The following BRINP1 variants were observed in gnomAD, a reference collection of about 807,000 sequenced individuals.
BRINP1 encodes BMP/retinoic acid inducible neural specific 1, also known as BMP/retinoic acid-inducible neural-specific protein 1.
BRINP1 carries 17 observed loss-of-function variants against 72.9 expected under a neutral mutation model. The ratio of observed to expected loss-of-function variants is 0.23; its 90% CI spans 0.16 to 0.35. The LOEUF is 0.35. BRINP1 is among the 10% of genes least tolerant of loss of function. The pLI is 1.00. For synonymous variants in BRINP1, 418 were observed against 378.5 expected (o/e 1.10, Z -1.21); for missense variants, 850 against 1,001.6 (o/e 0.85, Z 2.04).
At chr9:119,332,943 C>T (rs1160601285) in intron 1 of BRINP1, among the ~76,000 whole-genome samples, 1 of 152,104 alleles carries the variant, frequency 6.6e-6, no homozygotes, top group African/African-American at 2.4e-5. Context: ...TTAATATTCC[C>T]ACTTTATAGA....
intron 2 of BRINP1, among the ~76,000 whole-genome samples, chr9:119,253,512 A>T (rs551565071): frequency 1.3e-5 from 2 of 152,332 alleles, no homozygotes; most frequent in South Asian, 4.1e-4. Flanking sequence ...GCACAGAAAG[A>T]CAAATATCAC....
chr9:119,184,594 C>T (rs774284086), intron 7 of BRINP1, among the ~76,000 whole-genome samples: 1 of 152,132 alleles, frequency 6.6e-6, no homozygotes, highest in Non-Finnish European at 1.5e-5. Context: ...CATGCATGCA[C>T]ACAAAAATCA....
At chr9:119,227,155 G>A (rs1830100910) in intron 5 of BRINP1, among the ~76,000 whole-genome samples, 1 of 151,954 alleles carries the variant, frequency 6.6e-6, no homozygotes, top group Admixed American at 6.6e-5. Context: ...TGCTTTCTAT[G>A]TGATTTCCAA....
intron 7 of BRINP1, among the ~76,000 whole-genome samples, chr9:119,185,097 G>A (rs144213410): frequency 5.9e-5 from 9 of 152,104 alleles, no homozygotes; most frequent in African/African-American, 2.2e-4. Flanking sequence ...GGGTACTTCC[G>A]GTGGTAGTTC....
chr9:119,274,050 T>C (rs756596882), intron 2 of BRINP1, among the ~76,000 whole-genome samples: 14 of 152,160 alleles, frequency 9.2e-5, no homozygotes, highest in Non-Finnish European at 1.9e-4. Flanking sequence ...AAGATACAGA[T>C]TGTAGCAGGT....
rs866580556 is a variant in BRINP1 at position 119,313,406 on chromosome 9, C to T, written c.-50-1G>A. 1 of 1,562,176 alleles carries T rather than the reference C, an allele frequency of 6.4e-7. No individual in the cohort carries two copies. The highest frequency in any genetic ancestry group is 8.6e-7 in the Non-Finnish European group (1 of 1,156,652). Reference sequence around the variant, plus strand: ...CATTCTTGCTCCATTCTGTGGAGTCCTATAGAAGAAAGAATAAAAAAGAGA... The same window carrying T: ...CATTCTTGCTCCATTCTGTGGAGTCTTATAGAAGAAAGAATAAAAAAGAGA... On this transcript the variant is annotated splice_acceptor_variant, in intron 1 of 7. Coordinates refer to ENST00000265922, the MANE Select transcript of BRINP1 (RefSeq NM_014618.3). LOFTEE classifies it low-confidence loss of function (5UTR_SPLICE).
chr9:119,237,807 G>C (rs544395011), intron 5 of BRINP1, among the ~76,000 whole-genome samples: 1 of 151,708 alleles, frequency 6.6e-6, no homozygotes, highest in East Asian at 1.9e-4. Flanking sequence ...GACTATAGGC[G>C]CACACCACCG....
Position 119,208,948 on chromosome 9 carries a change from A to G in BRINP1, c.923-7T>C. On this transcript the variant is annotated splice_region_variant and splice_polypyrimidine_tract_variant and intron_variant, in intron 6 of 7. Coordinates refer to ENST00000265922, the MANE Select transcript of BRINP1 (RefSeq NM_014618.3). ...ATAAATGATTTAAACTCATCTAGTGAGAGACAAAGGCCGAGAGAGAAGGGC... is the reference window on the plus strand; with the variant it reads ...ATAAATGATTTAAACTCATCTAGTGGGAGACAAAGGCCGAGAGAGAAGGGC... The G allele has an allele frequency of 1.2e-6, 2 of 1,609,968 alleles. No individual in the cohort carries two copies. The highest frequency in any genetic ancestry group is 1.7e-6 in the Non-Finnish European group (2 of 1,176,280).
intron 7 of BRINP1, among the ~76,000 whole-genome samples, chr9:119,200,380 G>T (rs551099148): frequency 6.6e-6 from 1 of 152,286 alleles, no homozygotes; most frequent in Non-Finnish European, 1.5e-5. Flanking sequence ...CTAGCACTTT[G>T]AGAGGCCAAG....
chr9:119,336,243 C>A (rs966642677), intron 1 of BRINP1, among the ~76,000 whole-genome samples: 4 of 152,150 alleles, frequency 2.6e-5, no homozygotes, highest in African/African-American at 9.7e-5. Context: ...TGCCCAAGGT[C>A]CCACAGCTAG....
chr9:119,357,247 G>A (rs571034677), intron 1 of BRINP1, among the ~76,000 whole-genome samples: 1 of 152,250 alleles, frequency 6.6e-6, no homozygotes, highest in South Asian at 2.1e-4. Flanking sequence ...ATGCACGTGT[G>A]CACGTGCATG....
intron 1 of BRINP1, among the ~76,000 whole-genome samples, chr9:119,324,223 T>A (rs1435680614): frequency 2.0e-5 from 3 of 151,584 alleles, no homozygotes; most frequent in Middle Eastern, 3.4e-3. Flanking sequence ...AAAAAAAAAA[T>A]TCTTAGAATT....
chr9:119,247,732 G>A (rs1211895726), intron 3 of BRINP1, among the ~76,000 whole-genome samples: 4 of 149,286 alleles, frequency 2.7e-5, no homozygotes, highest in Non-Finnish European at 4.4e-5. Context: ...TTTGTGCATG[G>A]AAAACACTCA....
chr9:119,189,791 T>C (rs1232561782), intron 7 of BRINP1, among the ~76,000 whole-genome samples: 1 of 151,992 alleles, frequency 6.6e-6, no homozygotes, highest in East Asian at 1.9e-4. Flanking sequence ...CAAAATATAC[T>C]GAACATGAAC....
chr9:119,234,846 T>C (rs1830179363), intron 5 of BRINP1, among the ~76,000 whole-genome samples: 1 of 152,140 alleles, frequency 6.6e-6, no homozygotes, highest in Admixed American at 6.5e-5. Flanking sequence ...AATGAATCAC[T>C]CCCTTTTCTG....
At chr9:119,359,924 T>C (rs1459118949) in intron 1 of BRINP1, among the ~76,000 whole-genome samples, 1 of 152,226 alleles carries the variant, frequency 6.6e-6, no homozygotes, top group Non-Finnish European at 1.5e-5. Context: ...CTAAATGTTA[T>C]GGATGAAGAT....
chr9:119,306,508 A>G (rs1190139890), intron 2 of BRINP1, among the ~76,000 whole-genome samples: 2 of 152,178 alleles, frequency 1.3e-5, no homozygotes, highest in Non-Finnish European at 2.9e-5. Flanking sequence ...ATTGACAAAC[A>G]TGAATATGGG....
chr9:119,217,518 A>G (rs1829990473), intron 5 of BRINP1, among the ~76,000 whole-genome samples: 2 of 152,152 alleles, frequency 1.3e-5, no homozygotes, highest in African/African-American at 4.8e-5. Context: ...TTTTTCTCCC[A>G]ATCTTTTTAT....
chr9:119,217,055 C>T (rs376585996), intron 5 of BRINP1, among the ~76,000 whole-genome samples: 1 of 152,172 alleles, frequency 6.6e-6, no homozygotes, highest in South Asian at 2.1e-4. Context: ...TGTAAAATGT[C>T]ATTACTGTTT....
Sources: allele counts gnomAD v4.1 joint callset (sites outside exome capture counted in the v4.1 genomes callset), GRCh38; gene constraint gnomAD v4.1.1; transcripts MANE v1.5; gene names NCBI Gene and HGNC (gene_info 2026-07-23, HGNC 2026-07-21).